Variants in HMCN1 observed in about 807,000 individuals in gnomAD.
HMCN1 encodes the protein hemicentin-1.
In HMCN1, 321 loss-of-function variants were observed where a neutral mutation model predicts 625.9. The observed-to-expected ratio is 0.51, with a 90% CI of 0.47 to 0.56. The LOEUF (loss-of-function observed/expected upper bound fraction) is 0.56, where lower values mean the gene tolerates loss of function less well. Among genes scored for constraint, HMCN1 ranks in the 20% least tolerant of loss-of-function variants. The probability of loss-of-function intolerance (pLI) is 0.00; values close to 1 mark genes in which losing one functional copy is unlikely to be tolerated. For missense variants in HMCN1, 6,588 were observed against 6,887.3 expected, an observed-to-expected ratio of 0.96 and a Z score of 1.54; for synonymous variants, 2,425 against 2,417.6, an observed-to-expected ratio of 1.00 and a Z score of -0.09.
intron 15 of HMCN1, among the ~76,000 whole-genome samples, chr1:185,977,564 C>T (rs969637944): frequency 9.9e-5 from 15 of 151,974 alleles, no homozygotes; most frequent in African/African-American, 3.6e-4. Context: ...CATCTATCAC[C>T]TTAAGGAAAT....
intron 51 of HMCN1, 54 bp downstream of exon 51, chr1:186,069,830 T>G (rs1263545892): frequency 8.8e-7 from 1 of 1,134,480 alleles, no homozygotes; most frequent in East Asian, 2.4e-5. Context: ...TTCTAACTTT[T>G]TCAATCCTGT....
chr1:185,776,082 C>G (rs1433567728), intron 1 of HMCN1, among the ~76,000 whole-genome samples: 1 of 152,190 alleles, frequency 6.6e-6, no homozygotes, highest in East Asian at 1.9e-4. Context: ...ATACAGTTTA[C>G]TAGGTGATAA....
At chr1:186,160,516 G>A (rs1032938773) in intron 97 of HMCN1, among the ~76,000 whole-genome samples, 6 of 151,302 alleles carry the variant, frequency 4.0e-5, no homozygotes, top group Non-Finnish European at 7.4e-5. Flanking sequence ...TGATGTTAGG[G>A]TGTCAATTTT....
intron 15 of HMCN1, 94 bp from the exon 16 acceptor site, chr1:185,977,693 A>T: frequency 1.2e-6 from 1 of 847,374 alleles, no homozygotes; most frequent in Non-Finnish European, 2.0e-6. Flanking sequence ...CAATAATTCA[A>T]ATTCAATGAT....
intron 1 of HMCN1, among the ~76,000 whole-genome samples, chr1:185,809,988 A>G (rs1014162343): frequency 6.6e-6 from 1 of 152,136 alleles, no homozygotes; most frequent in Non-Finnish European, 1.5e-5. Context: ...TTTTAGTGGA[A>G]TGATTAAAGG....
Position 186,125,587 on chromosome 1 carries a change from T to C in HMCN1, c.12500-17T>C. On this transcript the variant is annotated splice_polypyrimidine_tract_variant and intron_variant, in intron 81 of 106. Coordinates refer to ENST00000271588, the MANE Select transcript of HMCN1 (RefSeq NM_031935.3). ...GAACTCAGCTTCCTGGATGACTCTT[T>C]TTTAAACTCTTCATAGTACCACCCA... 1 of 1,604,150 alleles carries C rather than the reference T, an allele frequency of 6.2e-7. No homozygotes were observed. Among genetic ancestry groups the C allele is most frequent in the African/African-American group, 1.3e-5 (1 of 74,798 alleles).
In HMCN1 at chr1:185,827,088, C is replaced by T. The variant is rs953372410; in HGVS notation, c.269-18938C>T. 6.0e-5 allele frequency among the ~76,000 whole-genome samples: 9 copies of T among 149,428 alleles called. No individual in the cohort carries two copies. The East Asian group carries it at 1.8e-3, about 30-fold the overall frequency. ...TCGGGAGGCTGAGGCAGGAGAATGG[C>T]ATGAACCCGGGAGGCAGAGCTTGCA... On this transcript the variant is annotated intron_variant, in intron 1 of 106. Transcript: ENST00000271588.
rs186749819 is a variant in HMCN1, at chr1:185,933,564, T to C, written c.1568T>C (p.Ile523Thr). 5.0e-6 allele frequency: 8 copies of C among 1,613,952 alleles called. No homozygotes were observed. In the East Asian group the frequency reaches 1.8e-4, roughly 36 times the overall value. Residue 523 changes from isoleucine (I) to threonine (T), a missense_variant, in exon 11 of 107, where the codon ATC becomes ACC. Physicochemically the swap from Ile to Thr is moderately conservative, Grantham distance 89 (BLOSUM62 -1). Coordinates refer to ENST00000271588, the MANE Select transcript of HMCN1 (RefSeq NM_031935.3). Reference sequence around the variant, plus strand: ...TTTCACACAGAGCCCCCTCCGGTCATCCAAGTGCCTAACAATGTTACAGTC... The same window carrying C: ...TTTCACACAGAGCCCCCTCCGGTCACCCAAGTGCCTAACAATGTTACAGTC... ...FFDVSEPPPVIQVPNNVTVTP... is the reference protein window; with the variant it reads ...FFDVSEPPPVTQVPNNVTVTP...
At chr1:185,846,245 C>G (rs1661805811) in intron 2 of HMCN1, 149 bp downstream of exon 2, 2 of 661,350 alleles carry the variant, frequency 3.0e-6, no homozygotes, top group South Asian at 3.5e-5. Flanking sequence ...CAACCTGAGT[C>G]TGGAATGAAT....
chr1:186,089,569 G>A (rs1659721518), intron 63 of HMCN1, among the ~76,000 whole-genome samples: 2 of 152,008 alleles, frequency 1.3e-5, no homozygotes, highest in African/African-American at 4.8e-5. Flanking sequence ...AGGAAAAACA[G>A]CTAGTCAGAG....
At chr1:185,780,925 A>G (rs529140160) in intron 1 of HMCN1, among the ~76,000 whole-genome samples, 15 of 152,302 alleles carry the variant, frequency 9.8e-5, no homozygotes, top group Admixed American at 9.2e-4. Context: ...AAGGAATGGT[A>G]CCAGCTCCTC....
At chr1:185,914,796 C>CT (rs57823071) in intron 6 of HMCN1, among the ~76,000 whole-genome samples, 13,918 of 151,910 alleles carry the variant, frequency 0.092, 2,112 homozygotes, top group African/African-American at 0.31. Context: ...GGATTAATTT[C>CT]TCCCTTATAT....
chr1:185,923,742 AAAT>A (rs1359086557), intron 8 of HMCN1, 89 bp downstream of exon 8: 2 of 1,086,060 alleles, frequency 1.8e-6, no homozygotes, highest in Non-Finnish European at 2.8e-6. Flanking sequence ...ATCAAATAAA[AAAT>A]AATGTCTTCA....
chr1:185,903,735 T>C (rs1374546416), intron 4 of HMCN1, among the ~76,000 whole-genome samples: 1 of 151,820 alleles, frequency 6.6e-6, no homozygotes. Flanking sequence ...AGCCTCTGTC[T>C]GAGTGGATCC....
chr1:185,842,582 T>C (rs1558009113), intron 1 of HMCN1, among the ~76,000 whole-genome samples: 1 of 151,250 alleles, frequency 6.6e-6, no homozygotes, highest in Non-Finnish European at 1.5e-5. Flanking sequence ...ATAAAAAAAT[T>C]GGCTGGGCAT....
intron 11 of HMCN1, among the ~76,000 whole-genome samples, chr1:185,957,935 G>A (rs1649741012): frequency 6.6e-6 from 1 of 152,022 alleles, no homozygotes; most frequent in Non-Finnish European, 1.5e-5. Context: ...GACATGGTAA[G>A]TAGCATGCTT....
chr1:186,063,078 A>G (rs1442037409), intron 48 of HMCN1, among the ~76,000 whole-genome samples: 1 of 93,352 alleles, frequency 1.1e-5, no homozygotes, highest in Non-Finnish European at 2.2e-5. Context: ...ATATATATAT[A>G]TATATATATA....
chr1:185,901,426 T>G (rs1030478962), intron 4 of HMCN1, among the ~76,000 whole-genome samples: 1 of 151,726 alleles, frequency 6.6e-6, no homozygotes, highest in Non-Finnish European at 1.5e-5. Flanking sequence ...ATTCACCACA[T>G]GTTATAATGT....
Position 186,166,174 on chromosome 1 carries a change from C to A in HMCN1, c.15320-10C>A. ...CATACTGATTTGGGCCTTTTTGTTT[C>A]TTCTTTAAGATGAGGATGAATGTGC... On this transcript the variant is annotated splice_polypyrimidine_tract_variant and intron_variant, in intron 98 of 106. Coordinates refer to ENST00000271588, the MANE Select transcript of HMCN1 (RefSeq NM_031935.3). 6.2e-7 allele frequency: 1 copy of A among 1,613,750 alleles called. No homozygotes were observed. The highest frequency in any genetic ancestry group is 8.5e-7 in the Non-Finnish European group (1 of 1,179,942).
Sources: allele counts gnomAD v4.1 joint callset (sites outside exome capture counted in the v4.1 genomes callset), GRCh38; gene constraint gnomAD v4.1.1; transcripts MANE v1.5; gene names NCBI Gene and HGNC (gene_info 2026-07-23, HGNC 2026-07-21).